Variants in CELF5 observed in about 807,000 individuals in gnomAD.
The protein encoded by CELF5 is CUG-BP and ETR-3 like factor 5.
Under a neutral mutation model 54.9 loss-of-function variants are expected in CELF5, and 6 were observed. That is an observed-to-expected ratio of 0.11 (90% CI 0.06 to 0.22). The LOEUF (loss-of-function observed/expected upper bound fraction) is 0.22. Among genes scored for constraint, CELF5 ranks in the 10% least tolerant of loss-of-function variants. The probability of loss-of-function intolerance (pLI) is 1.00; values close to 1 mark genes in which losing one functional copy is unlikely to be tolerated. For synonymous variants in CELF5, 271 were observed against 290.9 expected (o/e 0.93, Z 0.70); for missense variants, 401 against 678.6 (o/e 0.59, Z 4.54).
intron 2 of CELF5, among the ~76,000 whole-genome samples, chr19:3,262,271 C>T (rs533948419): frequency 5.3e-5 from 8 of 152,216 alleles, no homozygotes; most frequent in South Asian, 4.1e-4. Flanking sequence ...TCAGGGGATC[C>T]GCCCATCTTG....
chr19:3,259,465 C>A (rs2079777841), intron 2 of CELF5, among the ~76,000 whole-genome samples: 1 of 149,640 alleles, frequency 6.7e-6, no homozygotes, highest in East Asian at 2.0e-4. Context: ...ATCCTGTGTT[C>A]ATTACTTTGG....
In CELF5 at chr19:3,268,434, G is replaced by A. The variant is rs2079913362; in HGVS notation, c.343-5438G>A. On this transcript the variant is annotated intron_variant, in intron 2 of 12. Transcript: ENST00000292672. The surrounding 1 kb of genome is among the most constrained non-coding windows in gnomAD (Gnocchi z 4.4). ...TAAATGAATGAACCATCCTGGGCAC[G>A]TCAAGCTGCGAGACTCGGGGCGTCG... Among the ~76,000 whole-genome samples the A allele has an allele frequency of 1.3e-5, 2 of 152,174 alleles. No homozygotes were observed. Among genetic ancestry groups the A allele is most frequent in the African/African-American group, 4.8e-5 (2 of 41,442 alleles).
chr19:3,284,719 T>C, intron 8 of CELF5, 183 bp from the exon 9 acceptor site: 1 of 594,612 alleles, frequency 1.7e-6, no homozygotes, highest in East Asian at 2.8e-5. Context: ...ATTTGCTATC[T>C]GAGTGGCCCT....
At chr19:3,229,031 G>C (rs1917118293) in intron 1 of CELF5, among the ~76,000 whole-genome samples, 1 of 151,848 alleles carries the variant, frequency 6.6e-6, no homozygotes, top group Non-Finnish European at 1.5e-5. Flanking sequence ...TTATTTAACA[G>C]ACTTTCATAA....
chr19:3,243,303 C>T (rs748755881), intron 1 of CELF5, among the ~76,000 whole-genome samples: 8 of 151,696 alleles, frequency 5.3e-5, no homozygotes, highest in Non-Finnish European at 7.4e-5. Flanking sequence ...TTTGCTATGT[C>T]GCAAAACCTT....
At chr19:3,285,503 C>G (rs1381837713) in intron 9 of CELF5, among the ~76,000 whole-genome samples, 2 of 151,218 alleles carry the variant, frequency 1.3e-5, no homozygotes, top group Non-Finnish European at 3.0e-5. Flanking sequence ...AGTCACGGCC[C>G]CGCCCCACTC....
intron 1 of CELF5, among the ~76,000 whole-genome samples, chr19:3,234,286 T>C (rs939644420): frequency 6.6e-6 from 1 of 151,908 alleles, no homozygotes; most frequent in Non-Finnish European, 1.5e-5. Context: ...TTTCAAGAGA[T>C]TGGCATCTCA....
Position 3,273,918 on chromosome 19 carries a change from G to A in CELF5, c.389G>A (p.Gly130Glu), listed in dbSNP as rs980236690. ...AAGCCTGCGGACAGTGAAAGCCGCG[G>A]AGGTAGTTGTCATCTCTCCGTGGCT... ...QVKPADSESR[G>E]GRDRKLFVGM... The change falls in exon 3 of 13, where the codon GGA (glycine) becomes GAA (glutamate). Residue 130 changes from glycine to glutamate, a missense_variant. Gly to Glu is a moderately conservative substitution (Grantham distance 98). Transcript: ENST00000292672. 1.2e-6 allele frequency: 2 copies of A among 1,613,524 alleles called. No homozygotes were observed. The highest frequency in any genetic ancestry group is 1.7e-6 in the Non-Finnish European group (2 of 1,179,574).
chr19:3,267,001 C>T (rs1423266119), intron 2 of CELF5, among the ~76,000 whole-genome samples: 5 of 152,164 alleles, frequency 3.3e-5, no homozygotes, highest in African/African-American at 4.8e-5. Context: ...AGCTGGGTCA[C>T]GTGAGACACC....
At chr19:3,256,064 C>CATAAAAAAAAAAAAAAAA (rs372488135) in intron 2 of CELF5, among the ~76,000 whole-genome samples, 1 of 139,618 alleles carries the variant, frequency 7.2e-6, no homozygotes, top group East Asian at 2.4e-4. Context: ...GACCCTGTCT[C>CATAAAAAAAAAAAAAAAA]AAAAAAAAAG....
At chr19:3,295,302 T>C (rs1017285272) in intron 12 of CELF5, 1 of 152,188 alleles carries the variant, frequency 6.6e-6, no homozygotes, top group African/African-American at 2.4e-5. Context: ...CTCTCGCTTC[T>C]TCCCCACAAA....
intron 2 of CELF5, 46 bp from the exon 3 acceptor site, chr19:3,273,826 A>AAC: frequency 8.3e-7 from 1 of 1,199,164 alleles, no homozygotes; most frequent in African/African-American, 1.5e-5. Context: ...CGCCTGCCAC[A>AAC]CCCCCACTGC....
At chr19:3,267,464 C>A (rs541241720) in intron 2 of CELF5, among the ~76,000 whole-genome samples, 1 of 152,322 alleles carries the variant, frequency 6.6e-6, no homozygotes, top group Admixed American at 6.5e-5. Flanking sequence ...AAGCTGCTGG[C>A]TGGGCCGTCA....
intron 2 of CELF5, among the ~76,000 whole-genome samples, chr19:3,256,785 C>T (rs2079733749): frequency 6.6e-6 from 1 of 151,848 alleles, no homozygotes; most frequent in Non-Finnish European, 1.5e-5. Flanking sequence ...CCAGGCTGGT[C>T]TCAAACTCCT....
intron 1 of CELF5, among the ~76,000 whole-genome samples, chr19:3,230,973 C>T (rs1481852331): frequency 6.6e-6 from 1 of 152,200 alleles, no homozygotes. Context: ...CTTCACGCCT[C>T]CCAGCCTGAG....
intron 1 of CELF5, among the ~76,000 whole-genome samples, chr19:3,238,504 T>A (rs1375955816): frequency 2.0e-5 from 3 of 152,150 alleles, no homozygotes; most frequent in Non-Finnish European, 1.5e-5. Flanking sequence ...GGGTAGGGCC[T>A]CACTTTCTCC....
In CELF5 at chr19:3,274,028, C is replaced by A. The variant is rs1455676055; in HGVS notation, c.394+105C>A. ...CCTGCAAAAGGGGCAGTGGCCGAGG[C>A]CTGTGGATCTGGAACTGGCCTCCCT... is the stretch of plus-strand genomic sequence containing the variant. On this transcript the variant is annotated intron_variant, in intron 3 of 12. Coordinates refer to ENST00000292672, the MANE Select transcript of CELF5 (RefSeq NM_021938.4). The A allele has an allele frequency of 8.3e-5, 99 of 1,187,714 alleles. 1 individual carries two copies. In the East Asian group the frequency reaches 2.3e-3, roughly 28 times the overall value. 73.6% of individuals were successfully genotyped at this position (1,187,714 alleles called of 1,614,324 possible).
chr19:3,281,382 C>T lies in CELF5; in HGVS notation c.750+37C>T, dbSNP rs8111871. The stretch of plus-strand genomic sequence containing the variant: ...AGTGACAGCTTCGGGGCTCCGGCTC[C>T]GTCTCTCTCAGTCTCTGTCTACTCT... On this transcript the variant is annotated intron_variant, in intron 6 of 12. Coordinates refer to ENST00000292672, the MANE Select transcript of CELF5 (RefSeq NM_021938.4). This position sits in a 1 kb window ranked among gnomAD's most constrained non-coding sequence, Gnocchi z 6.5. The T allele has an allele frequency of 4.1e-3, 6,397 of 1,577,212 alleles. 256 individuals are homozygous for T. The African/African-American group carries it at 0.077, about 19-fold the overall frequency.
At chr19:3,232,931 G>A (rs991227925) in intron 1 of CELF5, among the ~76,000 whole-genome samples, 4 of 151,978 alleles carry the variant, frequency 2.6e-5, no homozygotes, top group Non-Finnish European at 2.9e-5. Context: ...AAAATTAGCC[G>A]GGTGTGGTGG....
Sources: gnomAD v4.1 joint callset for allele counts (sites outside exome capture counted in the v4.1 genomes callset) on GRCh38, gnomAD v4.1.1 for gene constraint, Gnocchi (gnomAD v3.1) non-coding constraint, MANE v1.5 for transcripts, NCBI Gene and HGNC (gene_info 2026-07-23, HGNC 2026-07-21) for gene names.